CYTIP: variants seen among roughly 807,000 people sequenced by gnomAD.
CYTIP encodes the protein cytohesin-interacting protein.
Under a neutral mutation model 43.8 loss-of-function variants are expected in CYTIP, and 26 were observed. The ratio of observed to expected loss-of-function variants is 0.59; its 90% confidence interval spans 0.44 to 0.82. The LOEUF is 0.82. Among genes scored for constraint, CYTIP ranks in the 40% least tolerant of loss-of-function variants. The pLI is 0.00. For synonymous variants in CYTIP, 162 were observed against 162.9 expected (o/e 0.99, Z 0.04); for missense variants, 426 against 443.1 (o/e 0.96, Z 0.35).
At chr2:157,416,878 G>A (rs746457663) in intron 7 of CYTIP, among the ~76,000 whole-genome samples, 9 of 151,764 alleles carry the variant, frequency 5.9e-5, no homozygotes, top group Non-Finnish European at 1.2e-4. Context: ...CCTTAACAAC[G>A]TACATCTGGC....
At chr2:157,427,212 G>A in intron 6 of CYTIP, 139 bp downstream of exon 6, 1 of 669,822 alleles carries the variant, frequency 1.5e-6, no homozygotes. Context: ...TAATTGTGCG[G>A]CTCTTGATAA....
intron 5 of CYTIP, among the ~76,000 whole-genome samples, chr2:157,430,076 T>C (rs1319823706): frequency 2.1e-5 from 3 of 144,982 alleles, no homozygotes; most frequent in African/African-American, 7.7e-5. Flanking sequence ...GTGGTGTGAG[T>C]ATGTGTGTTT....
At chr2:157,440,752 G>A (rs1470997490) in intron 1 of CYTIP, among the ~76,000 whole-genome samples, 2 of 152,194 alleles carry the variant, frequency 1.3e-5, no homozygotes, top group Admixed American at 1.3e-4. Context: ...TACCACTGAA[G>A]TTTGTGGACT....
intron 3 of CYTIP, among the ~76,000 whole-genome samples, chr2:157,431,363 A>C (rs187981697): frequency 6.6e-6 from 1 of 152,382 alleles, no homozygotes; most frequent in East Asian, 1.9e-4. Context: ...TAGGAGTATG[A>C]AATTGTACAC....
chr2:157,419,189 G>T (rs1030855975), intron 6 of CYTIP, among the ~76,000 whole-genome samples: 2 of 152,066 alleles, frequency 1.3e-5, no homozygotes, highest in African/African-American at 4.8e-5. Flanking sequence ...TAGTAGCGAC[G>T]GGGTTTCACC....
chr2:157,423,409 T>C (rs1321775571), intron 6 of CYTIP, among the ~76,000 whole-genome samples: 1 of 151,242 alleles, frequency 6.6e-6, no homozygotes, highest in Non-Finnish European at 1.5e-5. Flanking sequence ...TACTGTCAAC[T>C]CAGTTAATAA....
intron 1 of CYTIP, among the ~76,000 whole-genome samples, chr2:157,440,121 G>GT (rs1365364904): frequency 1.3e-5 from 2 of 152,094 alleles, no homozygotes; most frequent in African/African-American, 4.8e-5. Context: ...CCAGAGTGAG[G>GT]TTTTTTGTCA....
intron 1 of CYTIP, among the ~76,000 whole-genome samples, chr2:157,440,606 C>G (rs1377252586): frequency 6.6e-6 from 1 of 152,148 alleles, no homozygotes; most frequent in East Asian, 1.9e-4. Context: ...GAGCCCAGCC[C>G]AGCAGTGTAC....
At chr2:157,421,420 A>C (rs548740891) in intron 6 of CYTIP, among the ~76,000 whole-genome samples, 1 of 152,340 alleles carries the variant, frequency 6.6e-6, no homozygotes, top group Non-Finnish European at 1.5e-5. Context: ...TTTCCATGGC[A>C]CTTTAGTACT....
chr2:157,430,448 C>A, intron 5 of CYTIP, 111 bp downstream of exon 5: 1 of 887,994 alleles, frequency 1.1e-6, no homozygotes, highest in Non-Finnish European at 1.9e-6. Context: ...CTCCGGTGCA[C>A]TGCCTCACTC....
In CYTIP at chr2:157,434,755, AC is replaced by A; in HGVS notation, c.175-9del. The A allele has an allele frequency of 6.8e-6, 11 of 1,609,522 alleles. No individual in the cohort carries two copies. Among genetic ancestry groups the A allele is most frequent in the Non-Finnish European group, 8.5e-6 (10 of 1,177,132 alleles). Reference sequence around the variant, plus strand: ...TGATCTGGTCAAAGCAAGCTGAAAAACACAAAAGACATATAGTTATCCCAGG... The same window carrying A: ...TGATCTGGTCAAAGCAAGCTGAAAAAACAAAAGACATATAGTTATCCCAGG... On this transcript the variant is annotated splice_polypyrimidine_tract_variant and intron_variant, in intron 1 of 7. Transcript: ENST00000264192.
Position 157,426,026 on chromosome 2 carries a change from G to A in CYTIP, c.546+1325C>T, listed in dbSNP as rs572356608. ...AAGAAATCTATATAGAAAATATAAG[G>A]AAATCTATAAAAATTATTATTAGAA... On this transcript the variant is annotated intron_variant, in intron 6 of 7. Coordinates refer to ENST00000264192, the MANE Select transcript of CYTIP (RefSeq NM_004288.5). 6.8e-4 allele frequency among the ~76,000 whole-genome samples: 103 copies of A among 151,886 alleles called. 1 individual carries two copies. The South Asian group carries it at 0.021, about 31-fold the overall frequency.
At chr2:157,438,253 T>A (rs1200752085) in intron 1 of CYTIP, among the ~76,000 whole-genome samples, 4 of 152,200 alleles carry the variant, frequency 2.6e-5, no homozygotes, top group African/African-American at 2.4e-5. Flanking sequence ...AGACATTATG[T>A]TAAGTGAGAT....
chr2:157,420,297 C>T (rs1685499323), intron 6 of CYTIP, among the ~76,000 whole-genome samples: 1 of 152,174 alleles, frequency 6.6e-6, no homozygotes, highest in African/African-American at 2.4e-5. Context: ...AGGTGGATCG[C>T]CTGAGGTCAG....
intron 3 of CYTIP, among the ~76,000 whole-genome samples, chr2:157,433,846 A>T (rs1350605584): frequency 6.6e-6 from 1 of 152,226 alleles, no homozygotes; most frequent in Non-Finnish European, 1.5e-5. Flanking sequence ...TCATTAGGAA[A>T]AAAAGCTACA....
intron 6 of CYTIP, among the ~76,000 whole-genome samples, chr2:157,421,238 G>T (rs1293329620): frequency 1.3e-5 from 2 of 152,340 alleles, no homozygotes; most frequent in East Asian, 3.9e-4. Context: ...CCACTGGGCA[G>T]CATCACCTCA....
At chr2:157,442,170 C>T (rs1426894863) in intron 1 of CYTIP, among the ~76,000 whole-genome samples, 1 of 152,192 alleles carries the variant, frequency 6.6e-6, no homozygotes, top group Non-Finnish European at 1.5e-5. Context: ...ATATCTATTT[C>T]CAAGGCTATA....
intron 1 of CYTIP, among the ~76,000 whole-genome samples, chr2:157,441,625 C>T (rs1418799151): frequency 1.3e-5 from 2 of 151,868 alleles, no homozygotes; most frequent in African/African-American, 4.8e-5. Context: ...CACACACACA[C>T]ACACACACAC....
intron 1 of CYTIP, among the ~76,000 whole-genome samples, chr2:157,435,970 G>C (rs994195215): frequency 6.6e-6 from 1 of 152,180 alleles, no homozygotes; most frequent in Non-Finnish European, 1.5e-5. Flanking sequence ...CCAAATGCCA[G>C]CATTTTCACA....
Sources: allele counts gnomAD v4.1 joint callset (sites outside exome capture counted in the v4.1 genomes callset), GRCh38; gene constraint gnomAD v4.1.1; transcripts MANE v1.5; gene names NCBI Gene and HGNC (gene_info 2026-07-23, HGNC 2026-07-21).